The following KCNJ6 variants were observed in gnomAD, a reference collection of about 807,000 sequenced individuals.
KCNJ6 encodes G protein-activated inward rectifier potassium channel 2.
KCNJ6 carries 9 observed loss-of-function variants against 34.2 expected under a neutral mutation model. The observed-to-expected ratio is 0.26, with a 90% CI of 0.16 to 0.46. The LOEUF is 0.46. KCNJ6 is among the 20% of genes least tolerant of loss of function. The probability of loss-of-function intolerance (pLI) is 1.00; values close to 1 mark genes in which losing one functional copy is unlikely to be tolerated. For synonymous variants in KCNJ6, 196 were observed against 207.1 expected (o/e 0.95, Z 0.46); for missense variants, 236 against 531.3 (o/e 0.44, Z 5.46).
At chr21:37,630,596 C>G (rs576357640) in intron 3 of KCNJ6, among the ~76,000 whole-genome samples, 2 of 152,264 alleles carry the variant, frequency 1.3e-5, no homozygotes, top group South Asian at 4.1e-4. Context: ...ATGAAGGACC[C>G]TTAGCTAAGA....
chr21:37,792,800 C>T (rs2055222963), intron 2 of KCNJ6, among the ~76,000 whole-genome samples: 1 of 152,150 alleles, frequency 6.6e-6, no homozygotes, highest in Non-Finnish European at 1.5e-5. Flanking sequence ...ACAGAAGGCA[C>T]ACAAAAGCAC....
intron 2 of KCNJ6, among the ~76,000 whole-genome samples, chr21:37,736,925 G>A (rs118012573): frequency 0.014 from 2,160 of 152,334 alleles, 27 homozygotes; most frequent in Middle Eastern, 0.051. Flanking sequence ...ACTTAGACAC[G>A]AGTTGCTGCG....
At chr21:37,830,582 T>A (rs541722162) in intron 2 of KCNJ6, among the ~76,000 whole-genome samples, 1 of 152,240 alleles carries the variant, frequency 6.6e-6, no homozygotes, top group South Asian at 2.1e-4. Flanking sequence ...CAAATCTCAC[T>A]GGTGGCCACG....
intron 1 of KCNJ6, among the ~76,000 whole-genome samples, chr21:37,868,998 A>G (rs1197558300): frequency 6.6e-6 from 1 of 152,266 alleles, no homozygotes; most frequent in East Asian, 1.9e-4. Flanking sequence ...TGGAGCACCC[A>G]TTGCCTGTTG....
rs746952503 is a variant in KCNJ6 at position 37,625,126 on chromosome 21, G to C, written c.*33C>G. On this transcript the variant is annotated 3_prime_UTR_variant, in exon 4 of 4. Transcript: ENST00000609713. ...GAGAGACAAGGAAAGATTGTGTTGGGGGGAGAAGAGAAGGGTTTGCCCAGC... is the reference window on the plus strand; with the variant it reads ...GAGAGACAAGGAAAGATTGTGTTGGCGGGAGAAGAGAAGGGTTTGCCCAGC... 20 of 1,409,504 alleles carry C rather than the reference G, an allele frequency of 1.4e-5. No homozygotes were observed. The highest frequency in any genetic ancestry group is 2.0e-5 in the Non-Finnish European group (20 of 1,001,420). 87.3% of individuals were successfully genotyped at this position (1,409,504 alleles called of 1,614,324 possible).
chr21:37,785,854 G>A (rs751283558), intron 2 of KCNJ6, among the ~76,000 whole-genome samples: 6 of 152,198 alleles, frequency 3.9e-5, no homozygotes, highest in Non-Finnish European at 8.8e-5. Context: ...TGAGATTAGT[G>A]CCTTTATAAG....
chr21:37,803,095 G>A (rs753790354), intron 2 of KCNJ6, among the ~76,000 whole-genome samples: 2 of 152,176 alleles, frequency 1.3e-5, no homozygotes, highest in East Asian at 3.9e-4. Flanking sequence ...CCTTGTCAAC[G>A]CACAGCGAAC....
intron 2 of KCNJ6, among the ~76,000 whole-genome samples, chr21:37,718,680 G>A (rs1300931065): frequency 1.3e-5 from 2 of 152,080 alleles, no homozygotes; most frequent in Non-Finnish European, 2.9e-5. Flanking sequence ...GTGGGGGATT[G>A]GGGGAGGGAT....
chr21:37,875,599 T>C (rs1282250064), intron 1 of KCNJ6, among the ~76,000 whole-genome samples: 1 of 152,086 alleles, frequency 6.6e-6, no homozygotes, highest in Admixed American at 6.5e-5. Flanking sequence ...TGCAAACAGC[T>C]TACTGTTTCG....
chr21:37,726,870 G>A (rs1240293035), intron 2 of KCNJ6, among the ~76,000 whole-genome samples: 1 of 152,146 alleles, frequency 6.6e-6, no homozygotes, highest in African/African-American at 2.4e-5. Flanking sequence ...TGGATTGAAG[G>A]GTTCCCCTCC....
chr21:37,817,181 T>C (rs922011687), intron 2 of KCNJ6, among the ~76,000 whole-genome samples: 4 of 152,184 alleles, frequency 2.6e-5, no homozygotes, highest in Non-Finnish European at 5.9e-5. Flanking sequence ...CAAAAATGGC[T>C]CTTAGAATCA....
rs772863150 is a variant in KCNJ6, at chr21:37,623,557, C to G, written c.*1602G>C. 1 of 152,130 alleles carries G rather than the reference C, an allele frequency of 6.6e-6. No homozygotes were observed. Among genetic ancestry groups the G allele is most frequent in the East Asian group, 1.9e-4 (1 of 5,194 alleles). The allele number at this position is 152,130 out of a possible 1,614,324, so 9.4% of individuals were successfully genotyped here. ...CGGAGGTTTGATCTAAGATTTGTTT[C>G]CTTATTTTTTTCATTTTAAAATTCA... On this transcript the variant is annotated 3_prime_UTR_variant, in exon 4 of 4. Coordinates refer to ENST00000609713, the MANE Select transcript of KCNJ6 (RefSeq NM_002240.5).
At chr21:37,687,971 A>T (rs1156864609) in intron 3 of KCNJ6, among the ~76,000 whole-genome samples, 2 of 152,186 alleles carry the variant, frequency 1.3e-5, no homozygotes, top group Admixed American at 1.3e-4. Context: ...ACTGTGGATG[A>T]TTTAAAGTGT....
At chr21:37,859,246 G>A (rs976300118) in intron 1 of KCNJ6, among the ~76,000 whole-genome samples, 2 of 151,682 alleles carry the variant, frequency 1.3e-5, no homozygotes, top group Non-Finnish European at 2.9e-5. Flanking sequence ...ATTTATAAAA[G>A]AGAATATATG....
intron 2 of KCNJ6, among the ~76,000 whole-genome samples, chr21:37,791,790 C>A (rs961499945): frequency 3.3e-5 from 5 of 151,646 alleles, no homozygotes; most frequent in African/African-American, 1.2e-4. Context: ...TAAAAATGTT[C>A]TTTTTTATTG....
Position 37,716,930 on chromosome 21 carries a change from T to G in KCNJ6, c.26-1799A>C, listed in dbSNP as rs552842688. Among the ~76,000 whole-genome samples, 7 of 135,916 alleles carry G rather than the reference T, an allele frequency of 5.2e-5. No homozygotes were observed. In the South Asian group the frequency reaches 1.4e-3, roughly 26 times the overall value. 89.2% of individuals were successfully genotyped at this position (135,916 alleles called of 152,430 possible). A position where few individuals can be genotyped will look rare whatever the true frequency, so the allele number is the denominator to read the frequency against. On this transcript the variant is annotated intron_variant, in intron 2 of 3. Coordinates refer to ENST00000609713, the MANE Select transcript of KCNJ6 (RefSeq NM_002240.5). The stretch of plus-strand genomic sequence containing the variant: ...TCGTTTGACTCTGCCATGTGTTTCC[T>G]TTATGGACACTCTGTTTTTAATCTT...
chr21:37,626,193 C>T (rs956577506), intron 3 of KCNJ6, among the ~76,000 whole-genome samples: 10 of 148,964 alleles, frequency 6.7e-5, no homozygotes, highest in Admixed American at 2.0e-4. Context: ...TGCAGTGGTG[C>T]GATCTCGGCT....
At chr21:37,754,741 G>C (rs2055015218) in intron 2 of KCNJ6, among the ~76,000 whole-genome samples, 1 of 152,216 alleles carries the variant, frequency 6.6e-6, no homozygotes, top group African/African-American at 2.4e-5. Flanking sequence ...GGCTGGGTTT[G>C]CTTTAGTCCT....
chr21:37,902,702 G>A (rs2055822822), intron 1 of KCNJ6, among the ~76,000 whole-genome samples: 1 of 152,192 alleles, frequency 6.6e-6, no homozygotes, highest in Non-Finnish European at 1.5e-5. Flanking sequence ...GAAGGCACCG[G>A]CCTACAGGGT....
Sources: allele counts gnomAD v4.1 joint callset (sites outside exome capture counted in the v4.1 genomes callset), GRCh38; gene constraint gnomAD v4.1.1; transcripts MANE v1.5; gene names NCBI Gene and HGNC (gene_info 2026-07-23, HGNC 2026-07-21).